HBS1L: variants seen among roughly 807,000 people sequenced by gnomAD.
The protein encoded by HBS1L is HBS1-like protein.
In HBS1L, 55 loss-of-function variants were observed where a neutral mutation model predicts 88.9. That is an observed-to-expected ratio of 0.62 (90% CI 0.50 to 0.77). The LOEUF (loss-of-function observed/expected upper bound fraction) is 0.77, where lower values mean the gene tolerates loss of function less well. HBS1L is among the 30% of genes least tolerant of loss of function. The pLI is 0.00. For synonymous variants in HBS1L, 267 were observed against 288.5 expected (o/e 0.93, Z 0.76); for missense variants, 741 against 829.3 (o/e 0.89, Z 1.31).
intron 4 of HBS1L, among the ~76,000 whole-genome samples, chr6:135,024,453 A>AC (rs1257916766): frequency 1.6e-3 from 241 of 150,076 alleles, no homozygotes; most frequent in Middle Eastern, 6.9e-3. Flanking sequence ...AAAAAAAAAA[A>AC]AAAAAAAAAC....
At chr6:135,013,260 A>G (rs550064139) in intron 4 of HBS1L, among the ~76,000 whole-genome samples, 1 of 152,370 alleles carries the variant, frequency 6.6e-6, no homozygotes, top group East Asian at 1.9e-4. Context: ...ACTGGCACAT[A>G]TGAAAGCACA....
intron 5 of HBS1L, 93 bp downstream of exon 5, chr6:135,002,641 C>T (rs72972165): frequency 1.0e-5 from 7 of 690,842 alleles, no homozygotes; most frequent in Admixed American, 5.0e-5. Context: ...ATATATTATG[C>T]GAAATTGAAA....
chr6:135,048,014 T>C (rs1776964664), intron 2 of HBS1L, among the ~76,000 whole-genome samples: 1 of 152,236 alleles, frequency 6.6e-6, no homozygotes, highest in South Asian at 2.1e-4. Flanking sequence ...ATGCTGCTTA[T>C]TAAGCCACCT....
chr6:134,987,022 G>A (rs904690473), intron 9 of HBS1L, among the ~76,000 whole-genome samples: 1 of 152,050 alleles, frequency 6.6e-6, no homozygotes, highest in African/African-American at 2.4e-5. Flanking sequence ...GGTTCAGCAA[G>A]TCTTAAAACG....
chr6:135,008,997 C>A (rs1262797540), intron 4 of HBS1L, among the ~76,000 whole-genome samples: 1 of 152,168 alleles, frequency 6.6e-6, no homozygotes, highest in Non-Finnish European at 1.5e-5. Flanking sequence ...AATTTACTCT[C>A]TTTACTCACT....
intron 5 of HBS1L, among the ~76,000 whole-genome samples, chr6:135,000,222 A>ATATTTTTTTTT (rs1775410987): frequency 7.7e-6 from 1 of 129,444 alleles, no homozygotes; most frequent in African/African-American, 3.5e-5. Context: ...TACCCAGCTA[A>ATATTTTTTTTT]TTTTTTTTTT....
intron 4 of HBS1L, chr6:135,036,988 A>G: frequency 6.4e-7 from 1 of 1,551,574 alleles, no homozygotes. Flanking sequence ...ACTAAGATCA[A>G]TATTTGAATC....
intron 4 of HBS1L, among the ~76,000 whole-genome samples, chr6:135,016,251 T>C (rs1775918620): frequency 6.6e-6 from 1 of 152,228 alleles, no homozygotes; most frequent in Admixed American, 6.5e-5. Context: ...TTAACCATCA[T>C]TAACATCTAC....
intron 2 of HBS1L, among the ~76,000 whole-genome samples, chr6:135,045,413 C>A (rs765894204): frequency 4.6e-5 from 7 of 152,160 alleles, no homozygotes; most frequent in Non-Finnish European, 1.0e-4. Flanking sequence ...AAACTTCCTA[C>A]AATGGTTTCC....
chr6:135,002,835 T>C lies in HBS1L; in HGVS notation c.438A>G (p.Pro146=). The change falls in exon 5 of 18, where the codon CCA becomes CCG. Residue 146 remains proline (P), a synonymous_variant. Coordinates refer to ENST00000367837, the MANE Select transcript of HBS1L (RefSeq NM_006620.4). ...CACTTCGCGATGTCTGGGAATCTAC[T>C]GGTTTTCCTAGTTAAGGAGTAAAAT... is the stretch of plus-strand genomic sequence containing the variant. ...VSTGKIAKGK[P]VDSQTSRSES... 1 of 1,610,416 alleles carries C rather than the reference T, an allele frequency of 6.2e-7. No individual in the cohort carries two copies. The highest frequency in any genetic ancestry group is 8.5e-7 in the Non-Finnish European group (1 of 1,177,026).
At position 134,965,036 on chromosome 6, in the gene HBS1L, C is replaced by T; in HGVS notation, c.*243G>A. 5.6e-6 allele frequency: 3 copies of T among 532,108 alleles called. No homozygotes were observed. The highest frequency in any genetic ancestry group is 6.6e-5 in the East Asian group (2 of 30,348). The allele number at this position is 532,108 out of a possible 1,614,324, so 33.0% of individuals were successfully genotyped here. A position where few individuals can be genotyped will look rare whatever the true frequency, so the allele number is the denominator to read the frequency against. On this transcript the variant is annotated 3_prime_UTR_variant, in exon 18 of 18. Transcript: ENST00000367837. ...GCCATAAATCTTAGCAAAGTAAATC[C>T]ATTTATTAACGTTTCAAAGGCAAAG...
At chr6:134,977,105 TAGGG>T (rs1774670602) in intron 15 of HBS1L, among the ~76,000 whole-genome samples, 1 of 151,962 alleles carries the variant, frequency 6.6e-6, no homozygotes, top group Non-Finnish European at 1.5e-5. Context: ...TTTTCTCCCA[TAGGG>T]AGTAGACTGA....
At position 134,961,983 on chromosome 6, in the gene HBS1L, CT is replaced by C. The variant is rs1774198772; in HGVS notation, c.*3295del. On this transcript the variant is annotated 3_prime_UTR_variant, in exon 18 of 18. Coordinates refer to ENST00000367837, the MANE Select transcript of HBS1L (RefSeq NM_006620.4). ...TTTTGAATTATCTCTTTATGATACC[CT>C]GTCCCCTGGTTGGACTATCAGCCCT... is the stretch of plus-strand genomic sequence containing the variant. The C allele has an allele frequency of 6.6e-6, 1 of 152,200 alleles. No homozygotes were observed. Among genetic ancestry groups the C allele is most frequent in the Non-Finnish European group, 1.5e-5 (1 of 68,036 alleles). The allele number at this position is 152,200 out of a possible 1,614,324, so 9.4% of individuals were successfully genotyped here. A position where few individuals can be genotyped will look rare whatever the true frequency, so the allele number is the denominator to read the frequency against.
At chr6:134,965,448 CAATTTACTAT>C in intron 17 of HBS1L, among the ~76,000 whole-genome samples, 158 bp from the exon 18 acceptor site, 1 of 152,298 alleles carries the variant, frequency 6.6e-6, no homozygotes, top group East Asian at 1.9e-4. Flanking sequence ...GCCATTTCTG[CAATTTACTAT>C]AATCTCTCCA....
At chr6:135,047,768 G>C (rs1306083423) in intron 2 of HBS1L, among the ~76,000 whole-genome samples, 1 of 152,010 alleles carries the variant, frequency 6.6e-6, no homozygotes, top group African/African-American at 2.4e-5. Context: ...CATCTTCTCA[G>C]TTCTATATGC....
In HBS1L at chr6:134,961,411, G is replaced by A. The variant is rs569861521; in HGVS notation, c.*3868C>T. 9.2e-5 allele frequency: 14 copies of A among 152,216 alleles called. No individual in the cohort carries two copies. The highest frequency in any genetic ancestry group is 2.0e-4 in the Admixed American group (3 of 15,278). 9.4% of individuals were successfully genotyped at this position (152,216 alleles called of 1,614,324 possible). A position where few individuals can be genotyped will look rare whatever the true frequency, so the allele number is the denominator to read the frequency against. On this transcript the variant is annotated 3_prime_UTR_variant, in exon 18 of 18. Coordinates refer to ENST00000367837, the MANE Select transcript of HBS1L (RefSeq NM_006620.4). ...TTCTGACCTAGCATTCACACTAGGC[G>A]GTGGCGTTCTCCTGCTGAACATTTA...
chr6:134,967,161 T>C (rs555877776), intron 16 of HBS1L, among the ~76,000 whole-genome samples: 56 of 152,308 alleles, frequency 3.7e-4, no homozygotes, highest in African/African-American at 1.3e-3. Context: ...CAAAAATCTC[T>C]AGGCTAGGCC....
chr6:135,006,015 T>C (rs891716055), intron 4 of HBS1L, among the ~76,000 whole-genome samples: 3 of 152,148 alleles, frequency 2.0e-5, no homozygotes, highest in African/African-American at 2.4e-5. Context: ...CATTTAAGAT[T>C]TGTGATAATG....
chr6:135,000,222 A>ATTTTTTTTTTTTTTTT (rs33946758), intron 5 of HBS1L, among the ~76,000 whole-genome samples: 2,586 of 128,804 alleles, frequency 0.02, 204 homozygotes, highest in African/African-American at 0.082. Flanking sequence ...TACCCAGCTA[A>ATTTTTTTTTTTTTTTT]TTTTTTTTTT....
Sources: gnomAD v4.1 joint callset for allele counts (sites outside exome capture counted in the v4.1 genomes callset) on GRCh38, gnomAD v4.1.1 for gene constraint, MANE v1.5 for transcripts, NCBI Gene and HGNC (gene_info 2026-07-23, HGNC 2026-07-21) for gene names.